The following STPG1 variants were observed in gnomAD, a reference collection of about 807,000 sequenced individuals.
STPG1 encodes the protein O(6)-methylguanine-induced apoptosis 2.
Under a neutral mutation model 40.1 loss-of-function variants are expected in STPG1, and 33 were observed. That is an observed-to-expected ratio of 0.82 (90% CI 0.62 to 1.10). The LOEUF (loss-of-function observed/expected upper bound fraction) is 1.10. STPG1 is among the 50% of genes least tolerant of loss of function. The pLI, the probability that STPG1 is intolerant of heterozygous loss-of-function variation, is 0.00. For synonymous variants in STPG1, 150 were observed against 155.0 expected, an observed-to-expected ratio of 0.97 and a Z score of 0.24; for missense variants, 396 against 415.1, an observed-to-expected ratio of 0.95 and a Z score of 0.40.
chr1:24,389,060 T>C (rs1053618481), intron 3 of STPG1, among the ~76,000 whole-genome samples: 2 of 152,192 alleles, frequency 1.3e-5, no homozygotes, highest in African/African-American at 4.8e-5. Flanking sequence ...AGTTTTCATG[T>C]TGTCAAGTAA....
chr1:24,371,875 T>C (rs1641763694), intron 6 of STPG1, among the ~76,000 whole-genome samples: 1 of 152,152 alleles, frequency 6.6e-6, no homozygotes, highest in South Asian at 2.1e-4. Flanking sequence ...TAGATGAGCC[T>C]GGATTAAAAT....
chr1:24,412,001 A>C (rs12123880), intron 1 of STPG1: 38,932 of 152,070 alleles, frequency 0.26, 5,245 homozygotes, highest in East Asian at 0.46. Context: ...CTTGGAACCA[A>C]CTCAAAGTAA....
rs1460110053 is a variant in STPG1, at chr1:24,374,287, C to T, written c.463-477G>A. ...TTTTTTTTTTTTTCTGAGACAGAGT[C>T]TTGCTCTGTCTCCCAGGCTGGAGTG... On this transcript the variant is annotated intron_variant, in intron 5 of 8. Coordinates refer to ENST00000337248, the MANE Select transcript of STPG1 (RefSeq NM_001199013.2). 1.0e-4 allele frequency among the ~76,000 whole-genome samples: 11 copies of T among 105,302 alleles called. No individual in the cohort carries two copies. The Admixed American group carries it at 1.3e-3, about 13-fold the overall frequency. 69.1% of individuals were successfully genotyped at this position (105,302 alleles called of 152,430 possible).
At chr1:24,392,664 C>G (rs1642826267) in intron 2 of STPG1, among the ~76,000 whole-genome samples, 1 of 152,206 alleles carries the variant, frequency 6.6e-6, no homozygotes, top group African/African-American at 2.4e-5. Context: ...CCTCAGAAGG[C>G]CTCACTATGT....
chr1:24,392,014 C>T, intron 2 of STPG1: 1 of 1,049,602 alleles, frequency 9.5e-7, no homozygotes, highest in East Asian at 9.3e-5. Context: ...ATTCTGGGAG[C>T]AGCCTGGACG....
chr1:24,385,239 C>T (rs917225324), intron 3 of STPG1, among the ~76,000 whole-genome samples: 4 of 152,192 alleles, frequency 2.6e-5, no homozygotes, highest in Non-Finnish European at 5.9e-5. Context: ...GTGCTGTTAA[C>T]GGGTTCTTCT....
chr1:24,400,636 G>GT (rs1196665671), intron 2 of STPG1, among the ~76,000 whole-genome samples: 2 of 152,194 alleles, frequency 1.3e-5, no homozygotes, highest in Non-Finnish European at 2.9e-5. Flanking sequence ...CAGGGAGGTG[G>GT]TAACAGCCTC....
intron 5 of STPG1, 128 bp downstream of exon 5, chr1:24,379,525 G>T: frequency 2.0e-6 from 2 of 1,020,168 alleles, no homozygotes; most frequent in Non-Finnish European, 1.5e-6. Flanking sequence ...CACCCATTGG[G>T]TAGTCAACAA....
At chr1:24,362,591 T>C (rs1641193973) in intron 7 of STPG1, among the ~76,000 whole-genome samples, 1 of 152,222 alleles carries the variant, frequency 6.6e-6, no homozygotes, top group South Asian at 2.1e-4. Flanking sequence ...CAGCACATAG[T>C]AGGTGCTCAA....
At chr1:24,412,971 G>A (rs1643781518) in intron 1 of STPG1, among the ~76,000 whole-genome samples, 1 of 152,212 alleles carries the variant, frequency 6.6e-6, no homozygotes, top group Non-Finnish European at 1.5e-5. Context: ...TTACTGTACA[G>A]GGTATATAAA....
At chr1:24,371,515 C>G (rs1287827455) in intron 6 of STPG1, among the ~76,000 whole-genome samples, 2 of 150,778 alleles carry the variant, frequency 1.3e-5, no homozygotes, top group Non-Finnish European at 2.9e-5. Context: ...CACTTGAACC[C>G]AGGAGGCGAA....
In STPG1 at chr1:24,358,585, G is replaced by A; in HGVS notation, c.963C>T (p.Ser321=). 6.2e-7 allele frequency: 1 copy of A among 1,614,106 alleles called. No homozygotes were observed. The highest frequency in any genetic ancestry group is 8.5e-7 in the Non-Finnish European group (1 of 1,179,932). The change falls in exon 9 of 9, where the codon TCC becomes TCT. Residue 321 remains serine (S), a synonymous_variant. Transcript: ENST00000337248. ...TYKPELPGKQ[S]FLYNEDKKWI... ...ATTTCTTGTCCTCGTTGTAGAGGAA[G>A]GACTGCTTTCCTGGAAGCTCTGGCT...
intron 3 of STPG1, among the ~76,000 whole-genome samples, chr1:24,388,383 A>C (rs145339252): frequency 6.6e-6 from 1 of 152,342 alleles, no homozygotes; most frequent in Non-Finnish European, 1.5e-5. Flanking sequence ...TTACCAGCAC[A>C]TCTGTAAATA....
At position 24,401,503 on chromosome 1, in the gene STPG1, T is replaced by G. The variant is rs1643227416; in HGVS notation, c.-68-47A>C. 5 of 851,688 alleles carry G rather than the reference T, an allele frequency of 5.9e-6. No individual in the cohort carries two copies. In the Admixed American group the frequency reaches 1.0e-4, roughly 17 times the overall value. 52.8% of individuals were successfully genotyped at this position (851,688 alleles called of 1,614,324 possible). A position where few individuals can be genotyped will look rare whatever the true frequency, so the allele number is the denominator to read the frequency against. On this transcript the variant is annotated intron_variant, in intron 1 of 8. Coordinates refer to ENST00000337248, the MANE Select transcript of STPG1 (RefSeq NM_001199013.2). ...TTTGTAGAGATCATTTCACATTGGTTAATTATTGCAAATGGGTTCTGTTCT... is the reference window on the plus strand; with the variant it reads ...TTTGTAGAGATCATTTCACATTGGTGAATTATTGCAAATGGGTTCTGTTCT...
chr1:24,374,092 T>A (rs1641887850), intron 5 of STPG1, among the ~76,000 whole-genome samples: 5 of 152,050 alleles, frequency 3.3e-5, no homozygotes, highest in Admixed American at 3.3e-4. Context: ...TCACTTCTGC[T>A]AAGGACAGGC....
At chr1:24,409,371 A>G (rs1182088438) in intron 1 of STPG1, among the ~76,000 whole-genome samples, 1 of 152,146 alleles carries the variant, frequency 6.6e-6, no homozygotes, top group Non-Finnish European at 1.5e-5. Flanking sequence ...AAAAATAACC[A>G]AAGCAGCCAC....
chr1:24,400,746 G>A (rs1643190449), intron 2 of STPG1, among the ~76,000 whole-genome samples: 1 of 152,132 alleles, frequency 6.6e-6, no homozygotes, highest in African/African-American at 2.4e-5. Flanking sequence ...ACTAGTTGGC[G>A]AACACTAGCA....
At chr1:24,371,654 C>G (rs1375974760) in intron 6 of STPG1, among the ~76,000 whole-genome samples, 2 of 151,910 alleles carry the variant, frequency 1.3e-5, no homozygotes, top group African/African-American at 4.8e-5. Context: ...ATGTCAGCAG[C>G]ATTTACAATA....
intron 1 of STPG1, among the ~76,000 whole-genome samples, chr1:24,412,817 T>C (rs1643764546): frequency 6.6e-6 from 1 of 152,238 alleles, no homozygotes; most frequent in African/African-American, 2.4e-5. Context: ...TGTACAGCTG[T>C]GCTCAGAATA....
Sources: gnomAD v4.1 joint callset for allele counts (sites outside exome capture counted in the v4.1 genomes callset) on GRCh38, gnomAD v4.1.1 for gene constraint, MANE v1.5 for transcripts, NCBI Gene and HGNC (gene_info 2026-07-23, HGNC 2026-07-21) for gene names.